The following MROH1 variants were observed in gnomAD, a reference collection of about 807,000 sequenced individuals.
MROH1 encodes maestro heat like repeat family member 1.
MROH1 carries 117 observed loss-of-function variants against 116.5 expected under a neutral mutation model. The observed-to-expected ratio is 1.00, with a 90% confidence interval of 0.86 to 1.17. MROH1 has a LOEUF of 1.17. Ranked by LOEUF, MROH1 falls within the 50% of genes most tolerant of loss-of-function variation. The pLI, the probability that MROH1 is intolerant of heterozygous loss-of-function variation, is 0.00. For missense variants in MROH1, 1,873 were observed against 1,338.5 expected, an observed-to-expected ratio of 1.40 and a Z score of -6.23; for synonymous variants, 921 against 583.9, an observed-to-expected ratio of 1.58 and a Z score of -8.32.
At chr8:144,177,038 GTTC>G (rs1241241427) in intron 4 of MROH1, among the ~76,000 whole-genome samples, 1 of 152,172 alleles carries the variant, frequency 6.6e-6, no homozygotes, top group Non-Finnish European at 1.5e-5. Flanking sequence ...CCCAGCTGAA[GTTC>G]TTCCCCTGGA....
chr8:144,200,323 A>G, intron 11 of MROH1, 105 bp from the exon 12 acceptor site: 2 of 909,354 alleles, frequency 2.2e-6, no homozygotes, highest in Non-Finnish European at 1.6e-6. Context: ...ACCTTCACAC[A>G]GCAACTCTCC....
intron 12 of MROH1, among the ~76,000 whole-genome samples, chr8:144,215,944 T>C (rs1282318848): frequency 6.6e-6 from 1 of 151,618 alleles, no homozygotes; most frequent in African/African-American, 2.4e-5. Flanking sequence ...CCCAGCACTT[T>C]GGGAGGCCGA....
intron 4 of MROH1, among the ~76,000 whole-genome samples, chr8:144,176,839 A>G (rs954706381): frequency 6.6e-6 from 1 of 152,090 alleles, no homozygotes; most frequent in African/African-American, 2.4e-5. Context: ...AAAAAAAAAA[A>G]AAAAGAAATG....
At chr8:144,242,099 G>C (rs1037540578) in intron 22 of MROH1, 1 of 566,222 alleles carries the variant, frequency 1.8e-6, no homozygotes, top group Non-Finnish European at 3.2e-6. Context: ...CTTGACCCTC[G>C]GCCCTCTGCT....
chr8:144,186,733 G>T lies in MROH1; in HGVS notation c.563-4051G>T, dbSNP rs553155321. Among the ~76,000 whole-genome samples the T allele has an allele frequency of 3.9e-5, 6 of 152,312 alleles. No homozygotes were observed. The South Asian group carries it at 1.0e-3, about 26-fold the overall frequency. On this transcript the variant is annotated intron_variant, in intron 7 of 43. Coordinates refer to ENST00000326134, the MANE Select transcript of MROH1 (RefSeq NM_032450.3). ...AGGCCAGCTCCACATTGGGAGGGTG[G>T]GCCCTCACACTGATCGACATAAGAA...
intron 10 of MROH1, among the ~76,000 whole-genome samples, chr8:144,194,971 C>G (rs544089359): frequency 6.6e-6 from 1 of 151,814 alleles, no homozygotes; most frequent in Non-Finnish European, 1.5e-5. Context: ...AAGCCAAGAA[C>G]ATTTTTCTAC....
intron 10 of MROH1, chr8:144,192,780 A>AT: frequency 2.5e-6 from 1 of 394,510 alleles, no homozygotes; most frequent in Non-Finnish European, 4.8e-6. Context: ...GGGCTGCAGG[A>AT]CGGGGGTCTT....
chr8:144,224,563 G>C (rs1291261398), intron 14 of MROH1, among the ~76,000 whole-genome samples: 1 of 152,208 alleles, frequency 6.6e-6, no homozygotes, highest in Non-Finnish European at 1.5e-5. Context: ...AGCACACCCA[G>C]CACTCAAATG....
chr8:144,203,514 G>T (rs1362933763), intron 12 of MROH1, among the ~76,000 whole-genome samples: 6 of 151,302 alleles, frequency 4.0e-5, no homozygotes, highest in Non-Finnish European at 4.4e-5. Flanking sequence ...GGGAGTGCCT[G>T]CTCTCTGTGG....
At chr8:144,161,155 G>C (rs796824178) in intron 2 of MROH1, 66 bp downstream of exon 2, 24 of 152,484 alleles carry the variant, frequency 1.6e-4, no homozygotes, top group African/African-American at 5.8e-4. Flanking sequence ...TGACGCACCT[G>C]GGAAAGCTTC....
intron 7 of MROH1, among the ~76,000 whole-genome samples, chr8:144,188,451 T>A (rs1346267482): frequency 0.057 from 30 of 524 alleles, no homozygotes; most frequent in Admixed American, 0.083. Flanking sequence ...ACTGCCCAAT[T>A]TTTTTTTTTT....
chr8:144,231,566 G>A (rs1459535511), intron 14 of MROH1, among the ~76,000 whole-genome samples: 1 of 152,184 alleles, frequency 6.6e-6, no homozygotes, highest in Non-Finnish European at 1.5e-5. Flanking sequence ...AGTGGGTCAG[G>A]ACACCCAACA....
chr8:144,220,536 G>A (rs1836486658), intron 12 of MROH1, 64 bp from the exon 13 acceptor site: 7 of 1,464,462 alleles, frequency 4.8e-6, no homozygotes, highest in African/African-American at 1.4e-5. Context: ...CCCTGGTGAT[G>A]TGGAATGGAC....
intron 7 of MROH1, among the ~76,000 whole-genome samples, chr8:144,186,894 A>AC (rs201080126): frequency 0.017 from 2,567 of 152,018 alleles, 69 homozygotes; most frequent in African/African-American, 0.057. Flanking sequence ...GGAGTTTGAG[A>AC]CCAGCCTGGG....
intron 4 of MROH1, among the ~76,000 whole-genome samples, chr8:144,173,795 C>A (rs556461774): frequency 1.3e-5 from 2 of 152,184 alleles, no homozygotes; most frequent in African/African-American, 4.8e-5. Context: ...GCCATGCTGG[C>A]GTGCCTCAAC....
intron 14 of MROH1, among the ~76,000 whole-genome samples, chr8:144,234,261 G>A (rs1489633914): frequency 3.3e-5 from 5 of 151,972 alleles, no homozygotes; most frequent in South Asian, 2.1e-4. Context: ...CGCCGGCCTC[G>A]GCCTCCCAAA....
At chr8:144,253,202 C>T (rs1464684777) in intron 33 of MROH1, among the ~76,000 whole-genome samples, 2 of 151,810 alleles carry the variant, frequency 1.3e-5, no homozygotes, top group African/African-American at 2.4e-5. Context: ...CCTGCCACCC[C>T]GTGAGCTAAG....
At chr8:144,187,710 G>C (rs111920759) in intron 7 of MROH1, among the ~76,000 whole-genome samples, 4 of 152,190 alleles carry the variant, frequency 2.6e-5, no homozygotes, top group African/African-American at 9.6e-5. Flanking sequence ...TTGGGTTTGC[G>C]CCTGGAGGTG....
At chr8:144,181,664 G>A (rs1441544896) in intron 7 of MROH1, among the ~76,000 whole-genome samples, 1 of 152,186 alleles carries the variant, frequency 6.6e-6, no homozygotes, top group Non-Finnish European at 1.5e-5. Flanking sequence ...ATTGGTGACA[G>A]GATGGGGGCA....
Sources: gnomAD v4.1 joint callset for allele counts (sites outside exome capture counted in the v4.1 genomes callset) on GRCh38, gnomAD v4.1.1 for gene constraint, MANE v1.5 for transcripts, NCBI Gene and HGNC (gene_info 2026-07-23, HGNC 2026-07-21) for gene names.